DESI2: variants seen among roughly 807,000 people sequenced by gnomAD.
DESI2 encodes the protein desumoylating isopeptidase 2, also known as deubiquitinase DESI2.
In DESI2, 10 loss-of-function variants were observed where a neutral mutation model predicts 24.1. The ratio of observed to expected loss-of-function variants is 0.41; its 90% confidence interval spans 0.26 to 0.70. The LOEUF is 0.70. Among genes scored for constraint, DESI2 ranks in the 30% least tolerant of loss-of-function variants. The pLI, the probability that DESI2 is intolerant of heterozygous loss-of-function variation, is 0.29. For synonymous variants in DESI2, 71 were observed against 87.7 expected, an observed-to-expected ratio of 0.81 and a Z score of 1.06; for missense variants, 122 against 234.9, an observed-to-expected ratio of 0.52 and a Z score of 3.14.
chr1:244,696,405 T>C (rs111909718), intron 4 of DESI2, among the ~76,000 whole-genome samples: 11 of 152,290 alleles, frequency 7.2e-5, no homozygotes, highest in African/African-American at 1.2e-4. Context: ...GTAGGTTGCT[T>C]GAGCACACAA....
chr1:244,666,484 G>A (rs1558652644), intron 1 of DESI2, among the ~76,000 whole-genome samples: 1 of 152,134 alleles, frequency 6.6e-6, no homozygotes, highest in Non-Finnish European at 1.5e-5. Flanking sequence ...AGGAGAATTA[G>A]TGATATACTT....
intron 1 of DESI2, among the ~76,000 whole-genome samples, chr1:244,681,463 G>A (rs778365632): frequency 5.9e-5 from 9 of 151,786 alleles, no homozygotes; most frequent in Non-Finnish European, 7.4e-5. Flanking sequence ...GACTAGTTTC[G>A]TGGAAGATGA....
At chr1:244,681,722 A>G (rs1676620295) in intron 1 of DESI2, among the ~76,000 whole-genome samples, 1 of 152,230 alleles carries the variant, frequency 6.6e-6, no homozygotes, top group Non-Finnish European at 1.5e-5. Flanking sequence ...TGTCCTTAGT[A>G]TATATCTCAG....
chr1:244,681,386 C>CCAT (rs1348830884), intron 1 of DESI2, among the ~76,000 whole-genome samples: 1 of 152,110 alleles, frequency 6.6e-6, no homozygotes, highest in Non-Finnish European at 1.5e-5. Context: ...CTGGTTCCCA[C>CCAT]CATCAGTATA....
At chr1:244,667,821 G>A (rs1258080697) in intron 1 of DESI2, among the ~76,000 whole-genome samples, 1 of 152,218 alleles carries the variant, frequency 6.6e-6, no homozygotes, top group Non-Finnish European at 1.5e-5. Flanking sequence ...GGATAGCAGA[G>A]AGAAGCAGGC....
chr1:244,694,603 C>T (rs886979086), intron 4 of DESI2: 16 of 847,970 alleles, frequency 1.9e-5, no homozygotes, highest in Admixed American at 3.4e-5. Context: ...TTGCGCTTGG[C>T]GGGGTAGCCA....
chr1:244,662,083 T>G (rs1375011278), intron 1 of DESI2, among the ~76,000 whole-genome samples: 1 of 152,252 alleles, frequency 6.6e-6, no homozygotes, highest in African/African-American at 2.4e-5. Context: ...GTTTCCTGAC[T>G]TCTTAATGAT....
intron 1 of DESI2, among the ~76,000 whole-genome samples, chr1:244,681,411 C>T (rs1014238340): frequency 6.6e-6 from 1 of 151,978 alleles, no homozygotes; most frequent in Non-Finnish European, 1.5e-5. Context: ...CTCACTTGCT[C>T]TCTACTAGAG....
At chr1:244,682,130 A>C (rs1213295265) in intron 1 of DESI2, among the ~76,000 whole-genome samples, 1 of 152,208 alleles carries the variant, frequency 6.6e-6, no homozygotes, top group Non-Finnish European at 1.5e-5. Context: ...ATTTACTGTG[A>C]AGAGCAAAAG....
At chr1:244,664,734 G>A (rs949822841) in intron 1 of DESI2, among the ~76,000 whole-genome samples, 7 of 152,220 alleles carry the variant, frequency 4.6e-5, no homozygotes, top group Non-Finnish European at 7.3e-5. Context: ...TATAAGTTAT[G>A]AAATGACAGT....
At chr1:244,670,005 G>A (rs563860276) in intron 1 of DESI2, among the ~76,000 whole-genome samples, 1 of 149,984 alleles carries the variant, frequency 6.7e-6, no homozygotes, top group Admixed American at 6.7e-5. Context: ...TTCCTAGGCT[G>A]GAGTGCGATG....
chr1:244,692,497 G>C (rs144765553), intron 4 of DESI2, among the ~76,000 whole-genome samples: 49 of 151,948 alleles, frequency 3.2e-4, no homozygotes, highest in African/African-American at 1.1e-3. Flanking sequence ...TCAAAACTAG[G>C]TCAAAATTAA....
At chr1:244,674,588 C>T (rs1197800465) in intron 1 of DESI2, among the ~76,000 whole-genome samples, 1 of 152,174 alleles carries the variant, frequency 6.6e-6, no homozygotes, top group Non-Finnish European at 1.5e-5. Context: ...CTGGGCATTT[C>T]ATATAAATGG....
chr1:244,684,326 A>C (rs1198550975), intron 1 of DESI2, among the ~76,000 whole-genome samples: 2 of 152,218 alleles, frequency 1.3e-5, no homozygotes, highest in South Asian at 4.1e-4. Context: ...GCTAAAACTG[A>C]AAGTATTGCA....
At chr1:244,674,955 G>A (rs1676366987) in intron 1 of DESI2, among the ~76,000 whole-genome samples, 1 of 152,136 alleles carries the variant, frequency 6.6e-6, no homozygotes. Flanking sequence ...CAAGGCAGCT[G>A]TAACATGATA....
intron 4 of DESI2, among the ~76,000 whole-genome samples, chr1:244,701,420 AAC>A (rs1420890404): frequency 6.6e-6 from 1 of 152,192 alleles, no homozygotes; most frequent in Non-Finnish European, 1.5e-5. Flanking sequence ...TATTAGCAGA[AAC>A]ACTGCCAGCT....
In DESI2 at chr1:244,689,404, A is replaced by G; in HGVS notation, c.209+62A>G. 1.3e-6 allele frequency: 1 copy of G among 777,702 alleles called. No homozygotes were observed. Among genetic ancestry groups the G allele is most frequent in the African/African-American group, 1.8e-5 (1 of 57,122 alleles). 48.2% of individuals were successfully genotyped at this position (777,702 alleles called of 1,614,324 possible). Reference sequence around the variant, plus strand: ...GGTGCCATAGCTTGTTTTCAGGTATACAGAATTCATTCTGTAAATCAAAAC... The same window carrying G: ...GGTGCCATAGCTTGTTTTCAGGTATGCAGAATTCATTCTGTAAATCAAAAC... On this transcript the variant is annotated intron_variant, in intron 3 of 4. Coordinates refer to ENST00000302550, the MANE Select transcript of DESI2 (RefSeq NM_016076.5). The surrounding 1 kb of genome is among the most constrained non-coding windows in gnomAD (Gnocchi z 4.0).
intron 1 of DESI2, among the ~76,000 whole-genome samples, chr1:244,668,497 C>G (rs1014366032): frequency 6.6e-6 from 1 of 152,182 alleles, no homozygotes; most frequent in Admixed American, 6.5e-5. Flanking sequence ...CAAACACTTG[C>G]TTCAATTCAC....
intron 3 of DESI2, among the ~76,000 whole-genome samples, chr1:244,691,275 A>C (rs1677019071): frequency 6.6e-6 from 1 of 152,122 alleles, no homozygotes; most frequent in African/African-American, 2.4e-5. Context: ...TGTTTTAGAG[A>C]CGGGGGTTTC....
Sources: allele counts gnomAD v4.1 joint callset (sites outside exome capture counted in the v4.1 genomes callset), GRCh38; gene constraint gnomAD v4.1.1; non-coding constraint Gnocchi (gnomAD v3.1); transcripts MANE v1.5; gene names NCBI Gene and HGNC (gene_info 2026-07-23, HGNC 2026-07-21).